Variants in ANK3 observed in about 807,000 individuals in gnomAD.
The protein encoded by ANK3 is ankyrin 3.
ANK3 carries 57 observed loss-of-function variants against 370.9 expected under a neutral mutation model. The observed-to-expected ratio is 0.15, with a 90% CI of 0.12 to 0.19. The LOEUF is 0.19. Among genes scored for constraint, ANK3 ranks in the 10% least tolerant of loss-of-function variants. The pLI is 1.00. For synonymous variants in ANK3, 1,929 were observed against 1,946.3 expected (o/e 0.99, Z 0.23); for missense variants, 4,439 against 5,302.1 (o/e 0.84, Z 5.06).
intron 1 of ANK3, among the ~76,000 whole-genome samples, chr10:60,299,488 T>A (rs1230045170): frequency 6.6e-6 from 1 of 152,196 alleles, no homozygotes; most frequent in African/African-American, 2.4e-5. Flanking sequence ...AACACAATAT[T>A]CAGGAATCTA....
At chr10:60,307,164 C>A (rs2045325598) in intron 1 of ANK3, among the ~76,000 whole-genome samples, 1 of 152,202 alleles carries the variant, frequency 6.6e-6, no homozygotes, top group African/African-American at 2.4e-5. Context: ...CATTTGTTTA[C>A]AAATTGTCTA....
intron 23 of ANK3, among the ~76,000 whole-genome samples, chr10:60,165,097 T>C (rs1319796975): frequency 1.3e-5 from 2 of 152,214 alleles, no homozygotes; most frequent in Non-Finnish European, 2.9e-5. Flanking sequence ...ACTTGGCCTC[T>C]CATCAATGGG....
intron 2 of ANK3, among the ~76,000 whole-genome samples, chr10:60,574,132 C>T (rs1370144834): frequency 6.6e-6 from 1 of 152,056 alleles, no homozygotes; most frequent in East Asian, 1.9e-4. Flanking sequence ...GAAATCGTCC[C>T]CATTTTTTAC....
chr10:60,049,900 ATTTG>A (rs1380426291), intron 42 of ANK3, among the ~76,000 whole-genome samples: 2 of 152,088 alleles, frequency 1.3e-5, no homozygotes, highest in Non-Finnish European at 2.9e-5. Context: ...GCATGGCTAT[ATTTG>A]TTTTCTTTTG....
chr10:60,225,385 A>C (rs186391287), intron 8 of ANK3, among the ~76,000 whole-genome samples: 6 of 152,314 alleles, frequency 3.9e-5, no homozygotes, highest in Admixed American at 1.3e-4. Flanking sequence ...CAGCAATTCT[A>C]TGAGAAAAGC....
At chr10:60,435,710 T>C (rs921030622) in intron 2 of ANK3, among the ~76,000 whole-genome samples, 3 of 152,232 alleles carry the variant, frequency 2.0e-5, no homozygotes, top group Admixed American at 6.5e-5. Context: ...ATCTACTTTC[T>C]GTCTTTCAGG....
chr10:60,133,042 T>C (rs189952004), intron 25 of ANK3, among the ~76,000 whole-genome samples: 11 of 152,266 alleles, frequency 7.2e-5, no homozygotes, highest in Non-Finnish European at 4.4e-5. Flanking sequence ...ATATTGTAGG[T>C]TCCTATGAAG....
At chr10:60,351,384 T>C (rs2056836315) in intron 1 of ANK3, among the ~76,000 whole-genome samples, 1 of 152,288 alleles carries the variant, frequency 6.6e-6, no homozygotes, top group South Asian at 2.1e-4. Flanking sequence ...ACCCCTCAGA[T>C]GCACGCTAAT....
At chr10:60,265,297 C>T (rs2097860715) in intron 5 of ANK3, among the ~76,000 whole-genome samples, 2 of 152,150 alleles carry the variant, frequency 1.3e-5, no homozygotes, top group African/African-American at 2.4e-5. Context: ...CACCATGTTC[C>T]TCTCTGCTTC....
rs528513649 is a variant in ANK3, at chr10:60,108,776, G to T, written c.3173+54C>A. 150 of 1,487,628 alleles carry T rather than the reference G, an allele frequency of 1.0e-4. No homozygotes were observed. In the African/African-American group the frequency reaches 1.8e-3, roughly 18 times the overall value. The allele number at this position is 1,487,628 out of a possible 1,614,324, so 92.2% of individuals were successfully genotyped here. A position where few individuals can be genotyped will look rare whatever the true frequency, so the allele number is the denominator to read the frequency against. On this transcript the variant is annotated intron_variant, in intron 27 of 43. Coordinates refer to ENST00000280772, the MANE Select transcript of ANK3 (RefSeq NM_020987.5). Reference sequence around the variant, plus strand: ...ATCTCCTTGAGTTAACAAGGGTAAAGAAAATCAAAGATGCATTGTGAGGGC... The same window carrying T: ...ATCTCCTTGAGTTAACAAGGGTAAATAAAATCAAAGATGCATTGTGAGGGC...
chr10:60,213,430 G>A lies in ANK3; in HGVS notation c.978C>T (p.Pro326=). 6.2e-7 allele frequency: 1 copy of A among 1,612,044 alleles called. No individual in the cohort carries two copies. The highest frequency in any genetic ancestry group is 8.5e-7 in the Non-Finnish European group (1 of 1,178,796). Residue 326 remains proline, a synonymous_variant, in exon 9 of 44, where the codon CCC becomes CCT. Transcript: ENST00000280772. ...VVEMLLDRAA[P]ILSKTKNGLS... is the part of the protein sequence containing the mutation. ...AAATTACCTTGGTTTTTGAAAGAATGGGGGCAGCTCGATCAAGCAACATTT... is the reference window on the plus strand; with the variant it reads ...AAATTACCTTGGTTTTTGAAAGAATAGGGGCAGCTCGATCAAGCAACATTT...
At chr10:60,474,756 A>G (rs1254075184) in intron 2 of ANK3, among the ~76,000 whole-genome samples, 1 of 152,154 alleles carries the variant, frequency 6.6e-6, no homozygotes, top group Non-Finnish European at 1.5e-5. Flanking sequence ...TGTTTTTTAA[A>G]TATTCCATAC....
chr10:60,362,585 C>T (rs1323361027), intron 1 of ANK3, among the ~76,000 whole-genome samples: 1 of 152,132 alleles, frequency 6.6e-6, no homozygotes, highest in African/African-American at 2.4e-5. Context: ...TTAATGAATA[C>T]GATTGAGTGG....
intron 1 of ANK3, among the ~76,000 whole-genome samples, chr10:60,343,732 C>A (rs567241644): frequency 6.6e-6 from 1 of 152,078 alleles, no homozygotes; most frequent in Admixed American, 6.5e-5. Flanking sequence ...GTGATGACAG[C>A]GAGAATACAG....
intron 1 of ANK3, among the ~76,000 whole-genome samples, chr10:60,286,314 G>A (rs1297899707): frequency 6.6e-6 from 1 of 152,076 alleles, no homozygotes; most frequent in Non-Finnish European, 1.5e-5. Flanking sequence ...GTACTTAAGA[G>A]TCTTAGCACT....
intron 1 of ANK3, among the ~76,000 whole-genome samples, chr10:60,364,876 A>C (rs2059180403): frequency 6.6e-6 from 1 of 152,014 alleles, no homozygotes. Context: ...AGGAAACATA[A>C]ATTCAGAGAC....
chr10:60,342,257 T>G (rs2054442130), intron 1 of ANK3, among the ~76,000 whole-genome samples: 1 of 152,178 alleles, frequency 6.6e-6, no homozygotes. Flanking sequence ...TAAAAAAAGT[T>G]TTTATTTCAG....
Position 60,542,555 on chromosome 10 carries a change from T to C in ANK3, c.96+72631A>G, listed in dbSNP as rs1227607641. Among the ~76,000 whole-genome samples the C allele has an allele frequency of 2.0e-5, 3 of 151,936 alleles. No individual in the cohort carries two copies. The East Asian group carries it at 5.8e-4, about 29-fold the overall frequency. On this transcript the variant is annotated intron_variant, in intron 2 of 43. Transcript: ENST00000373827. ...TGGATAAAAAGAAAGGGGAAAAAAATCACAGAAAGAAATCCAGAGCCATTT... is the reference window on the plus strand; with the variant it reads ...TGGATAAAAAGAAAGGGGAAAAAAACCACAGAAAGAAATCCAGAGCCATTT...
chr10:60,664,073 A>T (rs1463027962), intron 1 of ANK3, among the ~76,000 whole-genome samples: 1 of 152,036 alleles, frequency 6.6e-6, no homozygotes, highest in Non-Finnish European at 1.5e-5. Flanking sequence ...TTACCCACCC[A>T]CTCAGCTTCC....
Sources: gnomAD v4.1 joint callset for allele counts (sites outside exome capture counted in the v4.1 genomes callset) on GRCh38, gnomAD v4.1.1 for gene constraint, MANE v1.5 for transcripts, NCBI Gene and HGNC (gene_info 2026-07-23, HGNC 2026-07-21) for gene names.